The following SERPINH1 variants were observed in gnomAD, a reference collection of about 807,000 sequenced individuals.
The protein encoded by SERPINH1 is serpin H1.
A neutral mutation model predicts 32.3 loss-of-function variants in SERPINH1; 22 were observed. That is an observed-to-expected ratio of 0.68 (90% CI 0.49 to 0.97). SERPINH1 has a LOEUF of 0.97. SERPINH1 is among the 50% of genes least tolerant of loss of function. The probability of loss-of-function intolerance (pLI) is 0.00; values close to 1 mark genes in which losing one functional copy is unlikely to be tolerated. For synonymous variants in SERPINH1, 251 were observed against 245.9 expected, an observed-to-expected ratio of 1.02 and a Z score of -0.19; for missense variants, 543 against 576.4, an observed-to-expected ratio of 0.94 and a Z score of 0.59.
rs146831880 is a variant in SERPINH1, at chr11:75,566,586, G to A, written c.237G>A (p.Gly79=). The part of the protein sequence containing the change: ...VSPVVVASSL[G]LVSLGGKATT... ...CCGTGGTGGTGGCCTCGTCGCTAGG[G>A]CTCGTGTCGCTGGGCGGCAAGGCGA... is the stretch of plus-strand genomic sequence containing the variant. Residue 79 remains glycine (G), a synonymous_variant, in exon 2 of 5, where the codon GGG becomes GGA. Coordinates refer to ENST00000358171, the MANE Select transcript of SERPINH1 (RefSeq NM_001235.5). 7.0e-5 allele frequency: 112 copies of A among 1,608,432 alleles called. No individual in the cohort carries two copies. Among genetic ancestry groups the A allele is most frequent in the Non-Finnish European group, 8.8e-5 (104 of 1,179,324 alleles).
chr11:75,568,874 A>G (rs747699553), intron 3 of SERPINH1, 45 bp downstream of exon 3: 1 of 1,603,292 alleles, frequency 6.2e-7, no homozygotes, highest in East Asian at 2.2e-5. Flanking sequence ...TGGGGGTCCA[A>G]GGGTAGTTGG....
At chr11:75,567,099 G>A in intron 2 of SERPINH1, 128 bp downstream of exon 2, 3 of 1,058,236 alleles carry the variant, frequency 2.8e-6, no homozygotes, top group Non-Finnish European at 4.0e-6. Context: ...AGGGAGGCAG[G>A]ACTGTCACTC....
At chr11:75,568,594 A>G in intron 2 of SERPINH1, 137 bp from the exon 3 acceptor site, 4 of 702,664 alleles carry the variant, frequency 5.7e-6, no homozygotes, top group South Asian at 1.5e-5. Flanking sequence ...TGGGTGCTCT[A>G]TAGCTGGGCC....
chr11:75,569,999 A>G (rs140194088), intron 4 of SERPINH1, among the ~76,000 whole-genome samples: 2 of 151,950 alleles, frequency 1.3e-5, no homozygotes, highest in East Asian at 1.9e-4. Context: ...GGATGGCCAG[A>G]AACTTAACAC....
At position 75,566,382 on chromosome 11, in the gene SERPINH1, C is replaced by T; in HGVS notation, c.33C>T (p.Cys11=). The change falls in exon 2 of 5, where the codon TGC becomes TGT. Residue 11 remains cysteine (C), a synonymous_variant. Transcript: ENST00000358171. The part of the protein sequence containing the change: MRSLLLLSAF[C]LLEAALAAEV... ...CCCTCCTGCTTCTCAGCGCCTTCTG[C>T]CTCCTGGAGGCGGCCCTGGCCGCCG... 6.2e-7 allele frequency: 1 copy of T among 1,610,594 alleles called. No homozygotes were observed. The highest frequency in any genetic ancestry group is 8.5e-7 in the Non-Finnish European group (1 of 1,179,092).
In SERPINH1 at chr11:75,569,142, G is replaced by T. The variant is rs779248122; in HGVS notation, c.925G>T (p.Gly309Cys). The T allele has an allele frequency of 1.2e-6, 2 of 1,612,794 alleles. No homozygotes were observed. The highest frequency in any genetic ancestry group is 1.7e-6 in the Non-Finnish European group (2 of 1,179,356). ...GGCTGTTGCCATCTCCTTGCCCAAG[G>T]GTGTGGTGGAGGTGACCCATGACCT... is the stretch of plus-strand genomic sequence containing the variant. ...KKAVAISLPKGVVEVTHDLQK... is the reference protein window; with the variant it reads ...KKAVAISLPKCVVEVTHDLQK... The change falls in exon 4 of 5, where the codon GGT (glycine) becomes TGT (cysteine). Residue 309 changes from glycine to cysteine, a missense_variant. Gly to Cys is a radical substitution (Grantham distance 159, BLOSUM62 -3). Around this residue, in one of 3 missense-constraint regions of SERPINH1, gnomAD observed 427 missense variants for 446.4 expected, o/e 0.96. Coordinates refer to ENST00000358171, the MANE Select transcript of SERPINH1 (RefSeq NM_001235.5).
chr11:75,570,449 C>G (rs1373223074), intron 4 of SERPINH1, among the ~76,000 whole-genome samples: 1 of 152,174 alleles, frequency 6.6e-6, no homozygotes, highest in East Asian at 1.9e-4. Context: ...GTCCCACCCC[C>G]TTCTCCCCTT....
At position 75,568,577 on chromosome 11, in the gene SERPINH1, T is replaced by G. The variant is rs531078667; in HGVS notation, c.623-154T>G. The G allele has an allele frequency of 2.1e-4, 148 of 693,026 alleles. No individual in the cohort carries two copies. In the African/African-American group the frequency reaches 2.3e-3, roughly 11 times the overall value. 42.9% of individuals were successfully genotyped at this position (693,026 alleles called of 1,614,324 possible). A position where few individuals can be genotyped will look rare whatever the true frequency, so the allele number is the denominator to read the frequency against. On this transcript the variant is annotated intron_variant, in intron 2 of 4. Coordinates refer to ENST00000358171, the MANE Select transcript of SERPINH1 (RefSeq NM_001235.5). ...TTCCCAAAGCTGGGAACATAGACTCTGTGGGCTGGGTGCTCTATAGCTGGG... is the reference window on the plus strand; with the variant it reads ...TTCCCAAAGCTGGGAACATAGACTCGGTGGGCTGGGTGCTCTATAGCTGGG...
chr11:75,566,682 G>T lies in SERPINH1; in HGVS notation c.333G>T (p.Leu111=), dbSNP rs1942084505. 1 of 1,609,574 alleles carries T rather than the reference G, an allele frequency of 6.2e-7. No individual in the cohort carries two copies. Among genetic ancestry groups the T allele is most frequent in the East Asian group, 2.2e-5 (1 of 44,770 alleles). ...QLRDEEVHAG[L]GELLRSLSNS... is the part of the protein sequence containing the mutation. ...GCGACGAGGAGGTGCACGCCGGCCT[G>T]GGCGAGCTGCTGCGCTCACTCAGCA... Residue 111 remains leucine (L), a synonymous_variant, in exon 2 of 5, where the codon CTG becomes CTT. Coordinates refer to ENST00000358171, the MANE Select transcript of SERPINH1 (RefSeq NM_001235.5).
intron 1 of SERPINH1, 95 bp from the exon 2 acceptor site, chr11:75,566,221 C>A: frequency 8.7e-7 from 1 of 1,154,946 alleles, no homozygotes; most frequent in Non-Finnish European, 1.3e-6. Flanking sequence ...TTGCCCCCAT[C>A]TCCAGGGGAC....
chr11:75,569,295 T>C, intron 4 of SERPINH1, 124 bp downstream of exon 4: 2 of 696,690 alleles, frequency 2.9e-6, no homozygotes, highest in Non-Finnish European at 5.0e-6. Context: ...AGTGCTGGGC[T>C]CTGTGATGGG....
At chr11:75,564,621 G>C (rs1942041025) in intron 1 of SERPINH1, among the ~76,000 whole-genome samples, 1 of 152,202 alleles carries the variant, frequency 6.6e-6, no homozygotes, top group African/African-American at 2.4e-5. Context: ...TTCTGGCAGG[G>C]AAGGAGCCAG....
rs768946201 is a variant in SERPINH1 at position 75,566,804 on chromosome 11, A to G, written c.455A>G (p.Gln152Arg). ...GATGACTTCGTGCGCAGCAGCAAGCAGCACTACAACTGCGAGCACTCCAAG... is the reference window on the plus strand; with the variant it reads ...GATGACTTCGTGCGCAGCAGCAAGCGGCACTACAACTGCGAGCACTCCAAG... The part of the protein sequence containing the change: ...FADDFVRSSK[Q>R]HYNCEHSKIN... The change falls in exon 2 of 5, where the codon CAG (glutamine) becomes CGG (arginine). Residue 152 changes from glutamine (Q) to arginine (R), a missense_variant. By Grantham distance (43) the Gln-to-Arg change is conservative. Transcript: ENST00000358171. 9 of 1,613,158 alleles carry G rather than the reference A, an allele frequency of 5.6e-6. No homozygotes were observed. Among genetic ancestry groups the G allele is most frequent in the African/African-American group, 2.7e-5 (2 of 74,940 alleles).
intron 4 of SERPINH1, 112 bp downstream of exon 4, chr11:75,569,283 GCAGTGCT>G: frequency 1.3e-6 from 1 of 742,102 alleles, no homozygotes; most frequent in Non-Finnish European, 2.3e-6. Context: ...GGATGTCCAG[GCAGTGCT>G]GGGCTCTGTG....
chr11:75,569,829 T>G (rs921250226), intron 4 of SERPINH1, among the ~76,000 whole-genome samples: 1 of 152,198 alleles, frequency 6.6e-6, no homozygotes, highest in African/African-American at 2.4e-5. Context: ...TTAAGTAACC[T>G]GTGCAAAGTC....
Position 75,572,150 on chromosome 11 carries a change from G to A in SERPINH1, c.*67G>A. The A allele has an allele frequency of 1.3e-6, 2 of 1,506,090 alleles. No homozygotes were observed. The highest frequency in any genetic ancestry group is 2.3e-5 in the South Asian group (2 of 86,852). 93.3% of individuals were successfully genotyped at this position (1,506,090 alleles called of 1,614,324 possible). Reference sequence around the variant, plus strand: ...CTCCTGAGACACATGGGTGCTATTGGGGTTGGGGGGGAGGTGAGGTACCAG... The same window carrying A: ...CTCCTGAGACACATGGGTGCTATTGAGGTTGGGGGGGAGGTGAGGTACCAG... On this transcript the variant is annotated 3_prime_UTR_variant, in exon 5 of 5. Coordinates refer to ENST00000358171, the MANE Select transcript of SERPINH1 (RefSeq NM_001235.5).
intron 1 of SERPINH1, among the ~76,000 whole-genome samples, chr11:75,564,391 T>C (rs1942037097): frequency 6.6e-6 from 1 of 152,208 alleles, no homozygotes; most frequent in Non-Finnish European, 1.5e-5. Flanking sequence ...GTGGCATGGC[T>C]GGGAGTGGGC....
intron 2 of SERPINH1, among the ~76,000 whole-genome samples, chr11:75,567,224 C>A (rs564707599): frequency 6.6e-6 from 1 of 152,364 alleles, no homozygotes; most frequent in African/African-American, 2.4e-5. Context: ...GACCGAATTT[C>A]GTCAAAGTGC....
Position 75,568,711 on chromosome 11 carries a change from G to A in SERPINH1, c.623-20G>A, listed in dbSNP as rs764336626. 44 of 1,575,906 alleles carry A rather than the reference G, an allele frequency of 2.8e-5. No individual in the cohort carries two copies. Among genetic ancestry groups the A allele is most frequent in the Non-Finnish European group, 3.7e-5 (43 of 1,147,000 alleles). On this transcript the variant is annotated intron_variant, in intron 2 of 4. Transcript: ENST00000358171. ...GGGGCGGCCATGTGTCTCTGACCCT[G>A]TGTTTTGCCCCAACTACAGCACACT...
Sources: gnomAD v4.1 joint callset for allele counts (sites outside exome capture counted in the v4.1 genomes callset) on GRCh38, gnomAD v4.1.1 for gene constraint, gnomAD v4.1.1 regional missense constraint, MANE v1.5 for transcripts, NCBI Gene and HGNC (gene_info 2026-07-23, HGNC 2026-07-21) for gene names.